The following TNFSF4 variants were observed in gnomAD, a reference collection of about 807,000 sequenced individuals.
TNFSF4 encodes tumor necrosis factor ligand superfamily member 4.
Under a neutral mutation model 7.3 loss-of-function variants are expected in TNFSF4, and 4 were observed. The observed-to-expected ratio is 0.55, with a 90% confidence interval of 0.27 to 1.25. TNFSF4 has a LOEUF of 1.25. Ranked by LOEUF, TNFSF4 falls within the 50% of genes most tolerant of loss-of-function variation. TNFSF4 has a pLI of 0.12. For missense variants in TNFSF4, 181 were observed against 208.8 expected (o/e 0.87, Z 0.82); for synonymous variants, 76 against 83.7 (o/e 0.91, Z 0.50).
In TNFSF4 at chr1:173,185,473, G is replaced by T. The variant is rs762704436; in HGVS notation, c.*1043C>A. 6.6e-6 allele frequency: 1 copy of T among 152,088 alleles called. No homozygotes were observed. The highest frequency in any genetic ancestry group is 1.5e-5 in the Non-Finnish European group (1 of 68,006). 9.4% of individuals were successfully genotyped at this position (152,088 alleles called of 1,614,324 possible). ...GACAGAGATCATTATTTTTCATAAG[G>T]CACAATAACTTCTTAGTGCTATTTG... On this transcript the variant is annotated 3_prime_UTR_variant, in exon 3 of 3. Coordinates refer to ENST00000281834, the MANE Select transcript of TNFSF4 (RefSeq NM_003326.5).
At chr1:173,393,942 T>C in the TNFSF4 span, among the ~76,000 whole-genome samples, 3 of 152,258 alleles carry the variant, frequency 2.0e-5, no homozygotes, top group Admixed American at 6.5e-5. Flanking sequence ...TCCAATATTA[T>C]TTCCTGACAA....
chr1:173,329,436 A>T, the TNFSF4 span, among the ~76,000 whole-genome samples: 1 of 152,176 alleles, frequency 6.6e-6, no homozygotes, highest in Non-Finnish European at 1.5e-5. Flanking sequence ...AATACTTTTT[A>T]TCTGCAGTTG....
At chr1:173,314,416 A>C in the TNFSF4 span, among the ~76,000 whole-genome samples, 1 of 152,160 alleles carries the variant, frequency 6.6e-6, no homozygotes, top group African/African-American at 2.4e-5. Context: ...GCTAGCCCTC[A>C]AGCAGGCTAC....
the TNFSF4 span, among the ~76,000 whole-genome samples, chr1:173,222,992 C>T: frequency 6.6e-6 from 1 of 152,194 alleles, no homozygotes; most frequent in Non-Finnish European, 1.5e-5. Flanking sequence ...GTCTCTGGTT[C>T]CTGCAGTCTG....
the TNFSF4 span, among the ~76,000 whole-genome samples, chr1:173,379,145 G>A: frequency 6.6e-6 from 1 of 152,154 alleles, no homozygotes; most frequent in African/African-American, 2.4e-5. Context: ...GCTGCAGCCT[G>A]AGAGTTTGGA....
the TNFSF4 span, among the ~76,000 whole-genome samples, chr1:173,243,353 A>G: frequency 6.6e-6 from 1 of 151,994 alleles, no homozygotes; most frequent in African/African-American, 2.4e-5. Flanking sequence ...CAATAATCCC[A>G]TTTTCCAGCC....
the TNFSF4 span, among the ~76,000 whole-genome samples, chr1:173,331,798 G>A: frequency 6.6e-6 from 1 of 152,176 alleles, no homozygotes; most frequent in African/African-American, 2.4e-5. Context: ...ATTTCTGCCT[G>A]ATTTACAGAG....
At chr1:173,324,309 A>G in the TNFSF4 span, among the ~76,000 whole-genome samples, 2 of 152,180 alleles carry the variant, frequency 1.3e-5, no homozygotes, top group East Asian at 1.9e-4. Context: ...AGACAAGCAA[A>G]TGCTGAGAGA....
chr1:173,381,238 G>A, the TNFSF4 span, among the ~76,000 whole-genome samples: 2,811 of 152,138 alleles, frequency 0.018, 75 homozygotes, highest in African/African-American at 0.063. Context: ...AACCGCCGAG[G>A]CCTAGACCTC....
At chr1:173,311,654 G>T in the TNFSF4 span, among the ~76,000 whole-genome samples, 2 of 152,042 alleles carry the variant, frequency 1.3e-5, no homozygotes, top group Non-Finnish European at 2.9e-5. Flanking sequence ...GGGTCGTAGG[G>T]TAAGGTGTCC....
chr1:173,210,727 G>T (rs1321549979), upstream of TNFSF4, among the ~76,000 whole-genome samples: 1 of 130,674 alleles, frequency 7.7e-6, no homozygotes, highest in South Asian at 2.5e-4. Flanking sequence ...AATAATTCTA[G>T]GGGGGGGAAA....
At chr1:173,404,058 A>T in the TNFSF4 span, among the ~76,000 whole-genome samples, 1 of 152,218 alleles carries the variant, frequency 6.6e-6, no homozygotes, top group African/African-American at 2.4e-5. Context: ...CTCATTGCAG[A>T]GCGTGGAATG....
the TNFSF4 span, among the ~76,000 whole-genome samples, chr1:173,280,913 C>T: frequency 6.6e-6 from 1 of 152,086 alleles, no homozygotes; most frequent in Non-Finnish European, 1.5e-5. Context: ...AACTCCCGGG[C>T]AATAACCTAC....
the TNFSF4 span, among the ~76,000 whole-genome samples, chr1:173,227,788 T>C: frequency 1.3e-5 from 2 of 152,228 alleles, no homozygotes; most frequent in Non-Finnish European, 2.9e-5. Context: ...CAGGAGATTA[T>C]ATCCCACGCA....
chr1:173,206,908 G>T, intron 1 of TNFSF4, 116 bp downstream of exon 1: 1 of 1,226,518 alleles, frequency 8.2e-7, no homozygotes, highest in South Asian at 1.8e-5. Flanking sequence ...TGTGGGGAGA[G>T]GGAAAAAAAA....
chr1:173,382,200 G>A, the TNFSF4 span, among the ~76,000 whole-genome samples: 4 of 151,900 alleles, frequency 2.6e-5, no homozygotes, highest in Non-Finnish European at 4.4e-5. Flanking sequence ...CAAACCCACC[G>A]GGAGGAACAA....
chr1:173,236,269 A>G, the TNFSF4 span, among the ~76,000 whole-genome samples: 7 of 152,150 alleles, frequency 4.6e-5, no homozygotes, highest in Admixed American at 6.5e-5. Context: ...AATTCCATCT[A>G]TAGATTACTC....
the TNFSF4 span, among the ~76,000 whole-genome samples, chr1:173,319,549 G>T: frequency 1.3e-5 from 2 of 152,360 alleles, no homozygotes; most frequent in African/African-American, 4.8e-5. Context: ...TGACCCCTGT[G>T]CCTCCTGACT....
At chr1:173,392,886 G>A in the TNFSF4 span, among the ~76,000 whole-genome samples, 2 of 152,044 alleles carry the variant, frequency 1.3e-5, no homozygotes, top group African/African-American at 4.8e-5. Flanking sequence ...CTTAAAGAAG[G>A]GGATTTTACT....
Sources: gnomAD v4.1 joint callset for allele counts (sites outside exome capture counted in the v4.1 genomes callset) on GRCh38, gnomAD v4.1.1 for gene constraint, MANE v1.5 for transcripts, NCBI Gene and HGNC (gene_info 2026-07-23, HGNC 2026-07-21) for gene names.